CEP128: variants seen among roughly 807,000 people sequenced by gnomAD.
The protein encoded by CEP128 is centrosomal protein 128, also known as centrosomal protein 128kDa.
CEP128 carries 132 observed loss-of-function variants against 156.7 expected under a neutral mutation model. The ratio of observed to expected loss-of-function variants is 0.84; its 90% CI spans 0.73 to 0.97. The LOEUF (loss-of-function observed/expected upper bound fraction) is 0.97. Among genes scored for constraint, CEP128 ranks in the 50% least tolerant of loss-of-function variants. The probability of loss-of-function intolerance (pLI) is 0.00; values close to 1 mark genes in which losing one functional copy is unlikely to be tolerated. For missense variants in CEP128, 1,252 were observed against 1,281.9 expected (o/e 0.98, Z 0.36); for synonymous variants, 469 against 448.9 (o/e 1.04, Z -0.57).
At chr14:80,816,637 G>C (rs916695295) in intron 13 of CEP128, among the ~76,000 whole-genome samples, 4 of 152,078 alleles carry the variant, frequency 2.6e-5, no homozygotes, top group Non-Finnish European at 5.9e-5. Context: ...AGAGGGAGAG[G>C]CCTTATGAAC....
intron 21 of CEP128, among the ~76,000 whole-genome samples, chr14:80,536,301 T>TA (rs1269115236): frequency 6.6e-6 from 1 of 152,238 alleles, no homozygotes; most frequent in Non-Finnish European, 1.5e-5. Flanking sequence ...AATGCACATT[T>TA]ATTTTCTTAT....
intron 16 of CEP128, among the ~76,000 whole-genome samples, chr14:80,763,619 G>A (rs969415539): frequency 5.3e-5 from 8 of 151,732 alleles, no homozygotes; most frequent in African/African-American, 9.7e-5. Flanking sequence ...AGTATATTAG[G>A]TATATCATAA....
In CEP128 at chr14:80,732,294, G is replaced by A. The variant is rs143616635; in HGVS notation, c.2806+10781C>T. 4.8e-3 allele frequency among the ~76,000 whole-genome samples: 732 copies of A among 152,240 alleles called. 28 individuals are homozygous for A. The highest frequency in any genetic ancestry group is 0.046 in the Admixed American group (701 of 15,280). On this transcript the variant is annotated intron_variant, in intron 19 of 24. Coordinates refer to ENST00000555265, the MANE Select transcript of CEP128 (RefSeq NM_152446.5). ...ACAAAAAAATTGCACTAGCAAACAT[G>A]ATAAAAAGGGCTAGAGTTTACATAG... is the stretch of plus-strand genomic sequence containing the variant.
chr14:80,610,139 G>A lies in CEP128; in HGVS notation c.2807-29716C>T, dbSNP rs562940399. ...TGAAATTTATTCTGCTGAAAGCAGCGCAGTATGAATCATACTTTATCTCTT... is the reference window on the plus strand; with the variant it reads ...TGAAATTTATTCTGCTGAAAGCAGCACAGTATGAATCATACTTTATCTCTT... On this transcript the variant is annotated intron_variant, in intron 19 of 24. Transcript: ENST00000555265. Among the ~76,000 whole-genome samples, 22 of 152,230 alleles carry A rather than the reference G, an allele frequency of 1.4e-4. No homozygotes were observed. The South Asian group carries it at 4.1e-3, about 29-fold the overall frequency.
At chr14:80,940,336 T>C (rs17111244) in intron 1 of CEP128, among the ~76,000 whole-genome samples, 4,060 of 152,274 alleles carry the variant, frequency 0.027, 178 homozygotes, top group African/African-American at 0.092. Context: ...AAATGAGTCA[T>C]AGGCACAACC....
chr14:80,931,940 A>C (rs1298677102), intron 2 of CEP128, among the ~76,000 whole-genome samples: 1 of 152,164 alleles, frequency 6.6e-6, no homozygotes, highest in Non-Finnish European at 1.5e-5. Flanking sequence ...CTCCACCCAA[A>C]TCTCATCTTG....
chr14:80,841,225 A>C lies in CEP128; in HGVS notation c.763-457T>G, dbSNP rs999333585. On this transcript the variant is annotated intron_variant, in intron 9 of 24. Transcript: ENST00000555265. ...GGAACTGTCTTTCATAATATCTGAA[A>C]TGCATTCCATTTGTTTAAAAAATAT... Among the ~76,000 whole-genome samples, 4 of 152,164 alleles carry C rather than the reference A, an allele frequency of 2.6e-5. No individual in the cohort carries two copies. In the East Asian group the frequency reaches 7.7e-4, roughly 29 times the overall value.
intron 18 of CEP128, among the ~76,000 whole-genome samples, chr14:80,747,583 C>T (rs1453959896): frequency 2.0e-5 from 3 of 152,060 alleles, no homozygotes; most frequent in Admixed American, 6.6e-5. Context: ...CCGAGGTGGG[C>T]GGATTACAAG....
intron 19 of CEP128, among the ~76,000 whole-genome samples, chr14:80,706,858 G>GA (rs1198939800): frequency 6.6e-6 from 1 of 151,938 alleles, no homozygotes. Context: ...CAAATGAGGT[G>GA]AATTCTTTCT....
intron 9 of CEP128, among the ~76,000 whole-genome samples, chr14:80,842,246 T>C (rs1047084249): frequency 3.3e-5 from 5 of 152,002 alleles, no homozygotes; most frequent in Non-Finnish European, 4.4e-5. Flanking sequence ...AATGATAACT[T>C]AAATTCTATT....
chr14:80,482,699 CT>C (rs1320424056), intron 14 of CEP128, among the ~76,000 whole-genome samples: 1 of 152,162 alleles, frequency 6.6e-6, no homozygotes, highest in Non-Finnish European at 1.5e-5. Flanking sequence ...GAAGCTCAAA[CT>C]TTATGACCTA....
intron 9 of CEP128, among the ~76,000 whole-genome samples, chr14:80,844,689 T>A (rs117353535): frequency 0.011 from 1,653 of 152,280 alleles, 79 homozygotes; most frequent in East Asian, 0.086. Flanking sequence ...CTTAAAGATA[T>A]CTATGGTATT....
intron 19 of CEP128, among the ~76,000 whole-genome samples, chr14:80,678,279 C>T (rs1896171929): frequency 6.7e-6 from 1 of 150,210 alleles, no homozygotes; most frequent in Non-Finnish European, 1.5e-5. Flanking sequence ...AAAAGAAATT[C>T]AAAAGCTACC....
intron 19 of CEP128, among the ~76,000 whole-genome samples, chr14:80,640,801 AAT>A (rs927445541): frequency 1.3e-5 from 2 of 152,212 alleles, no homozygotes; most frequent in African/African-American, 4.8e-5. Context: ...TCAAAATTCC[AAT>A]AGTTTATTAG....
At chr14:80,811,906 A>G (rs1011265547) in intron 13 of CEP128, among the ~76,000 whole-genome samples, 2 of 152,062 alleles carry the variant, frequency 1.3e-5, no homozygotes, top group African/African-American at 4.8e-5. Context: ...GATTTTCCAC[A>G]AGATTTATGT....
At chr14:80,868,348 G>A (rs1315299859) in intron 8 of CEP128, among the ~76,000 whole-genome samples, 2 of 152,052 alleles carry the variant, frequency 1.3e-5, no homozygotes, top group Non-Finnish European at 2.9e-5. Flanking sequence ...TATTTAAAGA[G>A]GTAAACTGTA....
chr14:80,890,711 T>C (rs1034594899), intron 8 of CEP128, among the ~76,000 whole-genome samples: 1 of 151,960 alleles, frequency 6.6e-6, no homozygotes, highest in African/African-American at 2.4e-5. Context: ...GGTTGATGGG[T>C]GCAGCAAACC....
chr14:80,567,076 A>G (rs1375483347), intron 20 of CEP128, among the ~76,000 whole-genome samples: 1 of 152,216 alleles, frequency 6.6e-6, no homozygotes. Context: ...ATTTAAAAAC[A>G]GACTCAAGGT....
chr14:80,939,875 A>G (rs776898742), intron 1 of CEP128, among the ~76,000 whole-genome samples: 2 of 152,226 alleles, frequency 1.3e-5, no homozygotes, highest in African/African-American at 2.4e-5. Context: ...GTCAGGTAAT[A>G]CAGTTAACAT....
Sources: gnomAD v4.1 joint callset for allele counts (sites outside exome capture counted in the v4.1 genomes callset) on GRCh38, gnomAD v4.1.1 for gene constraint, MANE v1.5 for transcripts, NCBI Gene and HGNC (gene_info 2026-07-23, HGNC 2026-07-21) for gene names.